Variants in CDK5 observed in about 807,000 individuals in gnomAD.
CDK5 encodes cyclin dependent kinase 5.
Under a neutral mutation model 44.6 loss-of-function variants are expected in CDK5, and 18 were observed. The ratio of observed to expected loss-of-function variants is 0.40; its 90% CI spans 0.28 to 0.60. The LOEUF (loss-of-function observed/expected upper bound fraction) is 0.60, where lower values mean the gene tolerates loss of function less well. Among genes scored for constraint, CDK5 ranks in the 20% least tolerant of loss-of-function variants. CDK5 has a pLI of 0.38. For synonymous variants in CDK5, 143 were observed against 152.8 expected (o/e 0.94, Z 0.47); for missense variants, 198 against 368.1 (o/e 0.54, Z 3.78).
intron 5 of CDK5, 71 bp from the exon 6 acceptor site, chr7:151,055,919 C>T: frequency 1.0e-6 from 1 of 989,662 alleles, no homozygotes; most frequent in Non-Finnish European, 1.6e-6. Flanking sequence ...GGGTCGGCTC[C>T]TCTCCTCACC....
At chr7:151,055,406 A>T (rs1796875878) in intron 7 of CDK5, 33 bp from the exon 8 acceptor site, 1 of 1,566,264 alleles carries the variant, frequency 6.4e-7, no homozygotes, top group Non-Finnish European at 8.8e-7. Flanking sequence ...GGGACCTCCC[A>T]CTTAGAGGAC....
chr7:151,055,759 T>C lies in CDK5; in HGVS notation c.402A>G (p.Ile134Met). The C allele has an allele frequency of 6.2e-7, 1 of 1,609,458 alleles. No homozygotes were observed. Among genetic ancestry groups the C allele is most frequent in the Non-Finnish European group, 8.5e-7 (1 of 1,176,864 alleles). The change falls in exon 6 of 12, where the codon ATA becomes ATG. Residue 134 changes from isoleucine (I) to methionine (M), a missense_variant. This residue lies in a region of CDK5 where 38 missense variants were observed against 115.0 expected (regional missense o/e 0.33). Coordinates refer to ENST00000485972, the MANE Select transcript of CDK5 (RefSeq NM_004935.4). ...HRDLKPQNLLINRNGELKLAD... is the reference protein window; with the variant it reads ...HRDLKPQNLLMNRNGELKLAD... ...CCTTCTTCCCAAGAAGTACCCTGTTTATTAGCAGGTTCTGGGGCTTCAGGT... is the reference window on the plus strand; with the variant it reads ...CCTTCTTCCCAAGAAGTACCCTGTTCATTAGCAGGTTCTGGGGCTTCAGGT...
Position 151,054,364 on chromosome 7 carries a change from G to GTGACGCTGATGAACCA in CDK5, c.711+40_711+41insTGGTTCATCAGCGTCA. ...TGGAGGCGCTAGGAATGTGAAACGA[G>GTGACGCTGATGAACCA]TGACCCTGATGAACCATGACCCCCA... On this transcript the variant is annotated intron_variant, in intron 10 of 11. Transcript: ENST00000485972. This position sits in a 1 kb window ranked among gnomAD's most constrained non-coding sequence, Gnocchi z 5.7. The GTGACGCTGATGAACCA allele has an allele frequency of 1.2e-6, 2 of 1,612,712 alleles. No homozygotes were observed. Among genetic ancestry groups the GTGACGCTGATGAACCA allele is most frequent in the Non-Finnish European group, 1.7e-6 (2 of 1,178,876 alleles).
rs1796898999 is a variant in CDK5 at position 151,056,588 on chromosome 7, T to C, written c.304A>G (p.Ile102Val). Residue 102 changes from isoleucine (I) to valine (V), a missense_variant, in exon 5 of 12, where the codon ATT (isoleucine) becomes GTT (valine). Around this residue, in one of 4 missense-constraint regions of CDK5, gnomAD observed 26 missense variants for 28.2 expected, o/e 0.92. Transcript: ENST00000485972. This position sits in a 1 kb window ranked among gnomAD's most constrained non-coding sequence, Gnocchi z 4.7. The stretch of plus-strand genomic sequence containing the variant: ...AACACCACTCTCCTCACCTTTACAA[T>C]CTCAGGATCGAGGTCACCATTGCAA... Reference protein sequence around the residue: ...DSCNGDLDPEIVKSFLFQLLK... With the variant: ...DSCNGDLDPEVVKSFLFQLLK... 3 of 1,611,432 alleles carry C rather than the reference T, an allele frequency of 1.9e-6. No homozygotes were observed. The highest frequency in any genetic ancestry group is 2.2e-5 in the East Asian group (1 of 44,870).
rs776541992 is a variant in CDK5 at position 151,057,203 on chromosome 7, C to G, written c.38-43G>C. 4.1e-6 allele frequency: 6 copies of G among 1,448,502 alleles called. No homozygotes were observed. In the African/African-American group the frequency reaches 5.6e-5, roughly 13 times the overall value. 89.7% of individuals were successfully genotyped at this position (1,448,502 alleles called of 1,614,324 possible). A position where few individuals can be genotyped will look rare whatever the true frequency, so the allele number is the denominator to read the frequency against. On this transcript the variant is annotated intron_variant, in intron 1 of 11. Coordinates refer to ENST00000485972, the MANE Select transcript of CDK5 (RefSeq NM_004935.4). This position sits in a 1 kb window ranked among gnomAD's most constrained non-coding sequence, Gnocchi z 5.2. Reference sequence around the variant, plus strand: ...GGGGTCAGGGTGAGGATGCGGCACTCTTCCCTAAGCCAGGAAATGCCTCCT... The same window carrying G: ...GGGGTCAGGGTGAGGATGCGGCACTGTTCCCTAAGCCAGGAAATGCCTCCT...
chr7:151,055,314 C>T lies in CDK5; in HGVS notation c.543G>A (p.Thr181=), dbSNP rs368677466. ...DVLFGAKLYS[T]SIDMWSAGCI... ...AGCCGGCTGACCACATGTCGATGGA[C>T]GTGGAGTACAGCTTGGCCCCAAAGA... Residue 181 remains threonine (T), a synonymous_variant, in exon 8 of 12, where the codon ACG becomes ACA. Coordinates refer to ENST00000485972, the MANE Select transcript of CDK5 (RefSeq NM_004935.4). 173 of 1,613,794 alleles carry T rather than the reference C, an allele frequency of 1.1e-4. No individual in the cohort carries two copies. The highest frequency in any genetic ancestry group is 1.6e-4 in the Middle Eastern group (1 of 6,084).
At position 151,054,248 on chromosome 7, in the gene CDK5, C is replaced by T; in HGVS notation, c.756G>A (p.Val252=). The change falls in exon 11 of 12, where the codon GTG becomes GTA. Residue 252 remains valine, a synonymous_variant. Transcript: ENST00000485972. The surrounding 1 kb of genome is among the most constrained non-coding windows in gnomAD (Gnocchi z 5.7). The part of the protein sequence containing the change: ...YPATTSLVNV[V]PKLNATGRDL... ...CCCTCCCTGTGGCATTGAGTTTGGG[C>T]ACGACGTTCACCAGGGATGTTGTGG... 1.2e-6 allele frequency: 2 copies of T among 1,613,506 alleles called. No homozygotes were observed. The highest frequency in any genetic ancestry group is 1.3e-5 in the African/African-American group (1 of 75,000).
At position 151,055,313 on chromosome 7, in the gene CDK5, A is replaced by C. The variant is rs775219441; in HGVS notation, c.544T>G (p.Ser182Ala). ...VLFGAKLYST[S>A]IDMWSAGCIF... ...CAGCCGGCTGACCACATGTCGATGG[A>C]CGTGGAGTACAGCTTGGCCCCAAAG... The change falls in exon 8 of 12, where the codon TCC (serine) becomes GCC (alanine). Residue 182 changes from serine (S) to alanine (A), a missense_variant. Coordinates refer to ENST00000485972, the MANE Select transcript of CDK5 (RefSeq NM_004935.4). 9.3e-6 allele frequency: 15 copies of C among 1,613,804 alleles called. No individual in the cohort carries two copies. The highest frequency in any genetic ancestry group is 1.3e-5 in the Non-Finnish European group (15 of 1,179,840).
Position 151,054,872 on chromosome 7 carries a change from G to T in CDK5, c.650+155C>A, listed in dbSNP as rs1449614721. On this transcript the variant is annotated intron_variant, in intron 9 of 11. Transcript: ENST00000485972. This position sits in a 1 kb window ranked among gnomAD's most constrained non-coding sequence, Gnocchi z 5.7. ...GTGCATTTGCACTGTGACAATCAGG[G>T]TGTCCAGCACCCCTGCTCTCTCCCC... Among the ~76,000 whole-genome samples the T allele has an allele frequency of 6.6e-6, 1 of 152,108 alleles. No individual in the cohort carries two copies. The highest frequency in any genetic ancestry group is 6.5e-5 in the Admixed American group (1 of 15,278).
Position 151,054,224 on chromosome 7 carries a change from C to T in CDK5, c.780G>A (p.Arg260=), listed in dbSNP as rs763244697. ...NVVPKLNATG[R]DLLQNLLKCN... Reference sequence around the variant, plus strand: ...CCTGGTCACCTACCTGCAGCAGATCCCTCCCTGTGGCATTGAGTTTGGGCA... The same window carrying T: ...CCTGGTCACCTACCTGCAGCAGATCTCTCCCTGTGGCATTGAGTTTGGGCA... The change falls in exon 11 of 12, where the codon AGG becomes AGA. Residue 260 remains arginine, a synonymous_variant. Transcript: ENST00000485972. The surrounding 1 kb of genome is among the most constrained non-coding windows in gnomAD (Gnocchi z 5.7). 4 of 1,612,888 alleles carry T rather than the reference C, an allele frequency of 2.5e-6. No homozygotes were observed. In the East Asian group the frequency reaches 6.7e-5, roughly 27 times the overall value.
At position 151,054,709 on chromosome 7, in the gene CDK5, C is replaced by A. The variant is rs1376258300; in HGVS notation, c.651-244G>T. 6.6e-6 allele frequency among the ~76,000 whole-genome samples: 1 copy of A among 152,224 alleles called. No homozygotes were observed. The highest frequency in any genetic ancestry group is 1.5e-5 in the Non-Finnish European group (1 of 68,032). On this transcript the variant is annotated intron_variant, in intron 9 of 11. Transcript: ENST00000485972. This position sits in a 1 kb window ranked among gnomAD's most constrained non-coding sequence, Gnocchi z 5.7. ...GCTGTCCTAGTCCTAATGAAACAGT[C>A]CTTGCCCTGCTCCCACAAAATGTGT...
chr7:151,056,881 G>C lies in CDK5; in HGVS notation c.194+27C>G. 6.3e-7 allele frequency: 1 copy of C among 1,597,216 alleles called. No individual in the cohort carries two copies. Among genetic ancestry groups the C allele is most frequent in the South Asian group, 1.1e-5 (1 of 89,340 alleles). On this transcript the variant is annotated intron_variant, in intron 3 of 11. Coordinates refer to ENST00000485972, the MANE Select transcript of CDK5 (RefSeq NM_004935.4). The surrounding 1 kb of genome is among the most constrained non-coding windows in gnomAD (Gnocchi z 4.7). ...CCCGCCTCCCCCAAGCGGCCACACC[G>C]GCAAGGAGCACCCGCCTCCCGCACA...
rs1352264365 is a variant in CDK5, at chr7:151,057,819, A to G, written c.30T>C (p.Ile10=). Residue 10 remains isoleucine (I), a synonymous_variant, in exon 1 of 12, where the codon ATT becomes ATC. Transcript: ENST00000485972. This position sits in a 1 kb window ranked among gnomAD's most constrained non-coding sequence, Gnocchi z 5.2. ...ATCTCGAGATTCCATTACCTTCCCC[A>G]ATCTTTTCCAGTTTCTCGTATTTCT... MQKYEKLEK[I]GEGTYGTVFK... 6.2e-7 allele frequency: 1 copy of G among 1,611,894 alleles called. No homozygotes were observed. Among genetic ancestry groups the G allele is most frequent in the South Asian group, 1.1e-5 (1 of 90,524 alleles).
intron 5 of CDK5, 53 bp from the exon 6 acceptor site, chr7:151,055,901 C>G: frequency 7.9e-7 from 1 of 1,263,894 alleles, no homozygotes; most frequent in Non-Finnish European, 1.1e-6. Context: ...GCAACTGTGC[C>G]CAGCAACGGG....
chr7:151,056,781 C>A lies in CDK5; in HGVS notation c.210G>T (p.Leu70=). The change falls in exon 4 of 12, where the codon CTG becomes CTT. Residue 70 remains leucine (L), a synonymous_variant. Coordinates refer to ENST00000485972, the MANE Select transcript of CDK5 (RefSeq NM_004935.4). The surrounding 1 kb of genome is among the most constrained non-coding windows in gnomAD (Gnocchi z 4.7). ...CCAAAGTCAGCTTCTTGTCGCTGTG[C>A]AGGACGTCATGAAGCCTAGGGCAAA... ...HKNIVRLHDV[L]HSDKKLTLVF... The A allele has an allele frequency of 6.2e-7, 1 of 1,611,968 alleles. No individual in the cohort carries two copies. The highest frequency in any genetic ancestry group is 1.1e-5 in the South Asian group (1 of 90,662).
In CDK5 at chr7:151,056,922, G is replaced by A. The variant is rs1253400999; in HGVS notation, c.180C>T (p.His60=). The part of the protein sequence containing the change: ...REICLLKELK[H]KNIVRLHDVL... Reference sequence around the variant, plus strand: ...CTCCCGCACACCTGACGATGTTCTTGTGCTTCAGCTCCTTGAGTAGGCAGA... The same window carrying A: ...CTCCCGCACACCTGACGATGTTCTTATGCTTCAGCTCCTTGAGTAGGCAGA... Residue 60 remains histidine (H), a synonymous_variant, in exon 3 of 12, where the codon CAC becomes CAT. Transcript: ENST00000485972. This position sits in a 1 kb window ranked among gnomAD's most constrained non-coding sequence, Gnocchi z 4.7. The A allele has an allele frequency of 1.9e-6, 3 of 1,612,286 alleles. No homozygotes were observed. The highest frequency in any genetic ancestry group is 2.7e-5 in the African/African-American group (2 of 74,884).
Position 151,057,578 on chromosome 7 carries a change from G to A in CDK5, c.37+234C>T. On this transcript the variant is annotated intron_variant, in intron 1 of 11. Transcript: ENST00000485972. The surrounding 1 kb of genome is among the most constrained non-coding windows in gnomAD (Gnocchi z 5.2). ...GGTGAGAAATTTCAGGAAGTGTCGC[G>A]GTTGGGAGGTCGGGTCTACTGGGAA... 1.6e-6 allele frequency: 1 copy of A among 619,270 alleles called. No individual in the cohort carries two copies. The highest frequency in any genetic ancestry group is 2.9e-6 in the Non-Finnish European group (1 of 347,902). 38.4% of individuals were successfully genotyped at this position (619,270 alleles called of 1,614,324 possible).
chr7:151,055,873 G>A (rs1317852689), intron 5 of CDK5, 25 bp from the exon 6 acceptor site: 1 of 1,518,196 alleles, frequency 6.6e-7, no homozygotes. Flanking sequence ...GGAGAAGGGA[G>A]TCAGACGCCC....
At position 151,056,559 on chromosome 7, in the gene CDK5, C is replaced by T. The variant is rs371217173; in HGVS notation, c.312+21G>A. On this transcript the variant is annotated intron_variant, in intron 5 of 11. Transcript: ENST00000485972. The surrounding 1 kb of genome is among the most constrained non-coding windows in gnomAD (Gnocchi z 4.7). ...GACTCCGACCCCAGCCTGAGGGGTC[C>T]CCCAACACCACTCTCCTCACCTTTA... The T allele has an allele frequency of 1.6e-5, 26 of 1,606,998 alleles. No homozygotes were observed. Among genetic ancestry groups the T allele is most frequent in the Non-Finnish European group, 2.2e-5 (26 of 1,176,010 alleles).
Sources: gnomAD v4.1 joint callset for allele counts (sites outside exome capture counted in the v4.1 genomes callset) on GRCh38, gnomAD v4.1.1 for gene constraint, gnomAD v4.1.1 regional missense constraint, Gnocchi (gnomAD v3.1) non-coding constraint, MANE v1.5 for transcripts, NCBI Gene and HGNC (gene_info 2026-07-23, HGNC 2026-07-21) for gene names.